The following BNC2 variants were observed in gnomAD, a reference collection of about 807,000 sequenced individuals.
The protein encoded by BNC2 is zinc finger protein basonuclin-2.
A neutral mutation model predicts 76.3 loss-of-function variants in BNC2; 20 were observed. That is an observed-to-expected ratio of 0.26 (90% CI 0.18 to 0.38). BNC2 has a LOEUF of 0.38. BNC2 is among the 10% of genes least tolerant of loss of function. The pLI is 1.00. For missense variants in BNC2, 1,382 were observed against 1,399.8 expected, an observed-to-expected ratio of 0.99 and a Z score of 0.20; for synonymous variants, 582 against 514.8, an observed-to-expected ratio of 1.13 and a Z score of -1.77.
intron 6 of BNC2, among the ~76,000 whole-genome samples, chr9:16,430,716 T>C (rs755147211): frequency 1.2e-4 from 19 of 152,338 alleles, no homozygotes; most frequent in Middle Eastern, 3.4e-3. Context: ...TTCTGCTTTT[T>C]AGCTACCGCT....
chr9:16,575,322 A>G (rs147821667), intron 4 of BNC2: 10,738 of 985,300 alleles, frequency 0.011, 68 homozygotes, highest in South Asian at 0.025. Flanking sequence ...CCCTCCCACG[A>G]AACTCCTTAC....
intron 1 of BNC2, among the ~76,000 whole-genome samples, chr9:16,846,140 A>C (rs1431690554): frequency 1.7e-5 from 1 of 58,004 alleles, no homozygotes; most frequent in Non-Finnish European, 2.6e-5. Flanking sequence ...ACACCGTCTC[A>C]AAAAAAAAAA....
At chr9:16,747,073 C>T (rs1222993931) in intron 1 of BNC2, among the ~76,000 whole-genome samples, 1 of 151,902 alleles carries the variant, frequency 6.6e-6, no homozygotes, top group Non-Finnish European at 1.5e-5. Context: ...AATATCACAC[C>T]ACGCAAAGAA....
intron 3 of BNC2, among the ~76,000 whole-genome samples, chr9:16,712,435 A>T (rs568588461): frequency 2.0e-5 from 3 of 152,366 alleles, no homozygotes; most frequent in South Asian, 4.1e-4. Context: ...TTTCCAAAAT[A>T]AAGCAATTCA....
At chr9:16,843,647 G>A (rs575294017) in intron 1 of BNC2, among the ~76,000 whole-genome samples, 35 of 152,306 alleles carry the variant, frequency 2.3e-4, no homozygotes, top group South Asian at 8.3e-4. Context: ...ATATTCTTAA[G>A]CTCCTTTTTT....
chr9:16,611,401 A>T (rs1169110403), intron 3 of BNC2, among the ~76,000 whole-genome samples: 2 of 152,160 alleles, frequency 1.3e-5, no homozygotes, highest in African/African-American at 2.4e-5. Flanking sequence ...ACTGTGGCAC[A>T]AATGCCATTT....
At chr9:16,444,757 C>A (rs974979372) in intron 5 of BNC2, among the ~76,000 whole-genome samples, 1 of 152,168 alleles carries the variant, frequency 6.6e-6, no homozygotes, top group African/African-American at 2.4e-5. Flanking sequence ...AACACTTATA[C>A]ATAATATGTG....
chr9:16,621,690 C>T (rs561664394), intron 3 of BNC2, among the ~76,000 whole-genome samples: 1 of 152,182 alleles, frequency 6.6e-6, no homozygotes, highest in East Asian at 1.9e-4. Context: ...AGACCTAAGC[C>T]ATCCAATATG....
At chr9:16,470,309 T>C (rs1251249966) in intron 5 of BNC2, among the ~76,000 whole-genome samples, 1 of 152,134 alleles carries the variant, frequency 6.6e-6, no homozygotes, top group Non-Finnish European at 1.5e-5. Flanking sequence ...CATTCAGTTT[T>C]ATAAGGGAAG....
intron 3 of BNC2, among the ~76,000 whole-genome samples, chr9:16,614,592 G>A (rs1820642536): frequency 6.6e-6 from 1 of 151,904 alleles, no homozygotes; most frequent in Non-Finnish European, 1.5e-5. Flanking sequence ...TAAAAGAAAG[G>A]TTTCTGGGGT....
intron 1 of BNC2, among the ~76,000 whole-genome samples, chr9:16,774,930 T>C (rs1363723669): frequency 6.6e-6 from 1 of 152,256 alleles, no homozygotes; most frequent in Non-Finnish European, 1.5e-5. Context: ...TTATTTGTTT[T>C]TGCTTTTACT....
intron 5 of BNC2, among the ~76,000 whole-genome samples, chr9:16,517,750 C>G (rs1817482389): frequency 6.6e-6 from 1 of 151,992 alleles, no homozygotes; most frequent in Admixed American, 6.6e-5. Flanking sequence ...GGAAATATGC[C>G]TGGGGTGTTT....
At chr9:16,442,541 G>T (rs191836569) in intron 5 of BNC2, among the ~76,000 whole-genome samples, 1 of 152,284 alleles carries the variant, frequency 6.6e-6, no homozygotes, top group Admixed American at 6.5e-5. Context: ...AAGGTTGATT[G>T]GTTTCCCTTA....
rs1820569354 is a variant in BNC2 at position 16,415,594 on chromosome 9, T to TA, written c.*3394dup. 1 of 152,170 alleles carries TA rather than the reference T, an allele frequency of 6.6e-6. No individual in the cohort carries two copies. The highest frequency in any genetic ancestry group is 2.4e-5 in the African/African-American group (1 of 41,454). The allele number at this position is 152,170 out of a possible 1,614,324, so 9.4% of individuals were successfully genotyped here. A position where few individuals can be genotyped will look rare whatever the true frequency, so the allele number is the denominator to read the frequency against. On this transcript the variant is annotated 3_prime_UTR_variant, in exon 7 of 7. Coordinates refer to ENST00000380672, the MANE Select transcript of BNC2 (RefSeq NM_017637.6). ...AATGGGCAAAGATGAGCTCCATGAC[T>TA]AAAACGCTGATCTCTTTATCCTTCC...
At chr9:16,600,082 T>C (rs1820204006) in intron 3 of BNC2, among the ~76,000 whole-genome samples, 1 of 152,194 alleles carries the variant, frequency 6.6e-6, no homozygotes, top group East Asian at 1.9e-4. Context: ...CTTTAAGTAA[T>C]CCAAGAGGGG....
At chr9:16,606,859 G>A (rs1050645723) in intron 3 of BNC2, among the ~76,000 whole-genome samples, 3 of 152,162 alleles carry the variant, frequency 2.0e-5, no homozygotes, top group African/African-American at 7.2e-5. Flanking sequence ...CGCCTGGCCG[G>A]CGATCTGATG....
At chr9:16,853,325 A>T (rs1328115239) in intron 1 of BNC2, among the ~76,000 whole-genome samples, 2 of 150,702 alleles carry the variant, frequency 1.3e-5, no homozygotes, top group Non-Finnish European at 2.9e-5. Flanking sequence ...GGATCACCTG[A>T]GCCCAGGGAG....
intron 5 of BNC2, among the ~76,000 whole-genome samples, chr9:16,509,668 C>A (rs1011526198): frequency 1.3e-5 from 2 of 152,184 alleles, no homozygotes; most frequent in South Asian, 4.1e-4. Flanking sequence ...CAGTTCCATA[C>A]CAAAGTATAA....
chr9:16,788,208 A>T (rs1371161836), intron 1 of BNC2, among the ~76,000 whole-genome samples: 3 of 152,190 alleles, frequency 2.0e-5, no homozygotes, highest in African/African-American at 7.2e-5. Context: ...TACCAGTGAA[A>T]AACAATGGGT....
Sources: gnomAD v4.1 joint callset for allele counts (sites outside exome capture counted in the v4.1 genomes callset) on GRCh38, gnomAD v4.1.1 for gene constraint, MANE v1.5 for transcripts, NCBI Gene and HGNC (gene_info 2026-07-23, HGNC 2026-07-21) for gene names.